RABEPK: variants seen among roughly 807,000 people sequenced by gnomAD.
RABEPK encodes Rab9 effector protein with kelch motifs.
RABEPK carries 27 observed loss-of-function variants against 34.1 expected under a neutral mutation model. The ratio of observed to expected loss-of-function variants is 0.79; its 90% confidence interval spans 0.58 to 1.09. The LOEUF (loss-of-function observed/expected upper bound fraction) is 1.09. Ranked by LOEUF, RABEPK falls within the 50% of genes least tolerant of loss-of-function variation. The probability of loss-of-function intolerance (pLI) is 0.00; values close to 1 mark genes in which losing one functional copy is unlikely to be tolerated. For missense variants in RABEPK, 449 were observed against 462.6 expected, an observed-to-expected ratio of 0.97 and a Z score of 0.27; for synonymous variants, 172 against 169.2, an observed-to-expected ratio of 1.02 and a Z score of -0.13.
Position 125,208,429 on chromosome 9 carries a change from A to G in RABEPK, c.211+708A>G, listed in dbSNP as rs530988911. On this transcript the variant is annotated intron_variant, in intron 3 of 7. Coordinates refer to ENST00000373538, the MANE Select transcript of RABEPK (RefSeq NM_005833.4). ...CTCTTATTGCCCAGGCTGGAGTGCA[A>G]TGGCGCGATCTTCACTCATTGCAAC... 2.6e-5 allele frequency among the ~76,000 whole-genome samples: 4 copies of G among 151,776 alleles called. No individual in the cohort carries two copies. The East Asian group carries it at 5.8e-4, about 22-fold the overall frequency.
rs368079784 is a variant in RABEPK at position 125,213,415 on chromosome 9, G to A, written c.257G>A (p.Arg86Gln). ...GATACCTGCAAGGGCCTCTTGCCCC[G>A]GTATGAACATGCTAGCTTCATTCCC... ...DLDTCKGLLP[R>Q]YEHASFIPSC... Residue 86 changes from arginine (R) to glutamine (Q), a missense_variant, in exon 4 of 8, where the codon CGG (arginine) becomes CAG (glutamine). Physicochemically the swap from Arg to Gln is conservative, Grantham distance 43. Transcript: ENST00000373538. 7.3e-5 allele frequency: 118 copies of A among 1,613,930 alleles called. No homozygotes were observed. Among genetic ancestry groups the A allele is most frequent in the South Asian group, 1.2e-4 (11 of 91,050 alleles).
intron 3 of RABEPK, among the ~76,000 whole-genome samples, chr9:125,209,207 T>G (rs146197584): frequency 0.024 from 3,502 of 147,242 alleles, 139 homozygotes; most frequent in African/African-American, 0.085. Flanking sequence ...ATTACAGGTG[T>G]GCGCCACCAT....
At chr9:125,202,628 G>A (rs1476048800) in intron 1 of RABEPK, among the ~76,000 whole-genome samples, 1 of 152,048 alleles carries the variant, frequency 6.6e-6, no homozygotes, top group Non-Finnish European at 1.5e-5. Context: ...TCAGGAGTTC[G>A]AGACCAGCCT....
chr9:125,211,875 A>G (rs1249620095), intron 3 of RABEPK, among the ~76,000 whole-genome samples: 1 of 152,162 alleles, frequency 6.6e-6, no homozygotes, highest in Admixed American at 6.6e-5. Context: ...AGGCTGAGGC[A>G]GGAGAATTGC....
intron 5 of RABEPK, among the ~76,000 whole-genome samples, chr9:125,223,633 G>A (rs1293337563): frequency 2.0e-5 from 3 of 151,218 alleles, no homozygotes; most frequent in African/African-American, 7.3e-5. Flanking sequence ...CAGGAGGCTG[G>A]AGGACCGCTT....
chr9:125,216,419 A>T (rs891729236), intron 4 of RABEPK, among the ~76,000 whole-genome samples: 3 of 144,570 alleles, frequency 2.1e-5, no homozygotes, highest in African/African-American at 5.3e-5. Context: ...AATTAAAATT[A>T]AAAAAAAAAA....
intron 6 of RABEPK, among the ~76,000 whole-genome samples, chr9:125,231,693 T>G (rs981993170): frequency 1.3e-5 from 2 of 151,042 alleles, no homozygotes; most frequent in African/African-American, 4.9e-5. Flanking sequence ...TCCCAGCTAC[T>G]CGGGAGGCTG....
intron 3 of RABEPK, among the ~76,000 whole-genome samples, chr9:125,211,534 A>G (rs140391166): frequency 1.3e-5 from 2 of 152,262 alleles, no homozygotes; most frequent in African/African-American, 4.8e-5. Context: ...TAATGTTGGA[A>G]AATCTAATGT....
At chr9:125,205,824 A>T (rs958520324) in intron 2 of RABEPK, among the ~76,000 whole-genome samples, 4 of 152,156 alleles carry the variant, frequency 2.6e-5, no homozygotes, top group African/African-American at 7.2e-5. Flanking sequence ...TGACATCAGA[A>T]TAGAGCTCTG....
At position 125,213,369 on chromosome 9, in the gene RABEPK, G is replaced by A. The variant is rs767508387; in HGVS notation, c.212-1G>A. The A allele has an allele frequency of 5.7e-5, 91 of 1,607,416 alleles. No individual in the cohort carries two copies. The highest frequency in any genetic ancestry group is 2.8e-4 in the Admixed American group (16 of 57,846). ...TAGGAACTGGGTGAAATGTTTTCCA[G>A]GAAAACACCAGTGGGACTTAGATAC... is the stretch of plus-strand genomic sequence containing the variant. On this transcript the variant is annotated splice_acceptor_variant, in intron 3 of 7. Transcript: ENST00000373538. LOFTEE classifies it high-confidence loss of function.
rs751450153 is a variant in RABEPK, at chr9:125,220,533, G to GC, written c.365-3dup. On this transcript the variant is annotated splice_region_variant and splice_polypyrimidine_tract_variant and intron_variant, in intron 4 of 7. Transcript: ENST00000373538. ...ATTTTAAGTGCCTGCATTCTCTCTG[G>GC]CCCAGAAACCAGGACGTGGACCACG... is the stretch of plus-strand genomic sequence containing the variant. 1 of 1,611,358 alleles carries GC rather than the reference G, an allele frequency of 6.2e-7. No homozygotes were observed.
chr9:125,213,061 T>C (rs1709291631), intron 3 of RABEPK, among the ~76,000 whole-genome samples: 1 of 152,172 alleles, frequency 6.6e-6, no homozygotes, highest in Admixed American at 6.6e-5. Flanking sequence ...TCATTCTGGT[T>C]TCATTGGCTA....
intron 4 of RABEPK, among the ~76,000 whole-genome samples, chr9:125,220,076 G>A (rs192658669): frequency 1.9e-4 from 29 of 151,974 alleles, no homozygotes; most frequent in African/African-American, 6.0e-4. Flanking sequence ...TCAGCTCACT[G>A]CAACCTTCAC....
intron 5 of RABEPK, among the ~76,000 whole-genome samples, chr9:125,223,903 C>T (rs1484992899): frequency 6.6e-6 from 1 of 151,956 alleles, no homozygotes; most frequent in Admixed American, 6.6e-5. Flanking sequence ...AGAGTTTTTG[C>T]AGGCTGGGCG....
rs769068764 is a variant in RABEPK, at chr9:125,220,614, C to G, written c.440C>G (p.Ala147Gly). The G allele has an allele frequency of 4.3e-6, 7 of 1,614,170 alleles. No homozygotes were observed. The East Asian group carries it at 1.6e-4, about 36-fold the overall frequency. ...AGAACATTCCACACATCATCGGCAG[C>G]CATTGGAAACCAGCTATATGTCTTT... is the stretch of plus-strand genomic sequence containing the variant. ...SPRTFHTSSA[A>G]IGNQLYVFGG... The change falls in exon 5 of 8, where the codon GCC (alanine) becomes GGC (glycine). Residue 147 changes from alanine to glycine, a missense_variant. Physicochemically the swap from Ala to Gly is moderately conservative, Grantham distance 60 (BLOSUM62 0). Transcript: ENST00000373538.
rs1400083420 is a variant in RABEPK at position 125,208,072 on chromosome 9, AAGC to A, written c.211+352_211+354del. On this transcript the variant is annotated intron_variant, in intron 3 of 7. Coordinates refer to ENST00000373538, the MANE Select transcript of RABEPK (RefSeq NM_005833.4). ...GAACTGGGGAGATGGAAGTTAAAGT[AAGC>A]CAGGATCATGCCACTGTACTCCGGC... is the stretch of plus-strand genomic sequence containing the variant. Among the ~76,000 whole-genome samples, 3 of 152,254 alleles carry A rather than the reference AAGC, an allele frequency of 2.0e-5. 1 individual carries two copies. In the East Asian group the frequency reaches 5.8e-4, roughly 29 times the overall value.
chr9:125,205,775 A>C (rs993775426), intron 2 of RABEPK, among the ~76,000 whole-genome samples: 1 of 152,210 alleles, frequency 6.6e-6, no homozygotes, highest in African/African-American at 2.4e-5. Flanking sequence ...GGCGTGAGCC[A>C]CTGCGCCCGG....
intron 4 of RABEPK, 70 bp from the exon 5 acceptor site, chr9:125,220,469 C>G: frequency 2.0e-6 from 3 of 1,525,888 alleles, no homozygotes; most frequent in Non-Finnish European, 2.6e-6. Context: ...TGACTTCACT[C>G]AGCCCCAGAG....
rs961049300 is a variant in RABEPK, at chr9:125,234,067, G to A, written c.*87G>A. 1.6e-6 allele frequency: 2 copies of A among 1,285,482 alleles called. No individual in the cohort carries two copies. The highest frequency in any genetic ancestry group is 2.2e-6 in the Non-Finnish European group (2 of 920,942). 79.6% of individuals were successfully genotyped at this position (1,285,482 alleles called of 1,614,324 possible). A position where few individuals can be genotyped will look rare whatever the true frequency, so the allele number is the denominator to read the frequency against. On this transcript the variant is annotated 3_prime_UTR_variant, in exon 8 of 8. Coordinates refer to ENST00000373538, the MANE Select transcript of RABEPK (RefSeq NM_005833.4). ...GTTTTATACCTCCAAAATATCTTCT[G>A]CATTATATATCTGTTTTTCTCCTAC... is the stretch of plus-strand genomic sequence containing the variant.
Sources: allele counts gnomAD v4.1 joint callset (sites outside exome capture counted in the v4.1 genomes callset), GRCh38; gene constraint gnomAD v4.1.1; transcripts MANE v1.5; gene names NCBI Gene and HGNC (gene_info 2026-07-23, HGNC 2026-07-21).